Variants in ZNF254 observed in about 807,000 individuals in gnomAD.
The protein encoded by ZNF254 is CTD-2017D11.1.
In ZNF254, 10 loss-of-function variants were observed where a neutral mutation model predicts 12.4. The ratio of observed to expected loss-of-function variants is 0.80; its 90% CI spans 0.50 to 1.36. ZNF254 has a LOEUF of 1.36. Ranked by LOEUF, ZNF254 falls within the 40% of genes most tolerant of loss-of-function variation. ZNF254 has a pLI of 0.00. For synonymous variants in ZNF254, 305 were observed against 253.4 expected (o/e 1.20, Z -1.93); for missense variants, 996 against 763.9 (o/e 1.30, Z -3.58).
intron 2 of ZNF254, among the ~76,000 whole-genome samples, chr19:24,051,496 A>T (rs1004194839): frequency 1.3e-5 from 2 of 152,148 alleles, no homozygotes; most frequent in African/African-American, 4.8e-5. Context: ...TTCTTGGGGT[A>T]TTGTGATATA....
intron 1 of ZNF254, among the ~76,000 whole-genome samples, chr19:24,093,531 A>G (rs1972513309): frequency 6.6e-6 from 1 of 152,148 alleles, no homozygotes. Flanking sequence ...TTCCACCACC[A>G]TTTATTACAT....
chr19:24,057,092 G>T (rs1478868621), intron 2 of ZNF254, among the ~76,000 whole-genome samples: 2 of 152,124 alleles, frequency 1.3e-5, no homozygotes, highest in Non-Finnish European at 2.9e-5. Context: ...TTTTAGGAAG[G>T]TCAGAGAAAA....
chr19:24,065,169 C>A (rs1454092064), intron 2 of ZNF254, among the ~76,000 whole-genome samples: 1 of 152,042 alleles, frequency 6.6e-6, no homozygotes, highest in Non-Finnish European at 1.5e-5. Context: ...GGAGATGAAA[C>A]CCTCTACTTC....
chr19:24,084,979 C>T (rs1487237163), upstream of ZNF254, among the ~76,000 whole-genome samples: 1 of 143,964 alleles, frequency 6.9e-6, no homozygotes, highest in African/African-American at 2.6e-5. Context: ...GTCACCCAGG[C>T]TGGAGTGCAG....
intron 2 of ZNF254, among the ~76,000 whole-genome samples, chr19:24,055,384 T>G (rs1970812492): frequency 6.6e-6 from 1 of 151,722 alleles, no homozygotes; most frequent in Admixed American, 6.6e-5. Flanking sequence ...GTTCAAGTGA[T>G]TCTCCTGCCT....
At chr19:24,091,314 A>AG (rs1459592198) in intron 1 of ZNF254, among the ~76,000 whole-genome samples, 1 of 127,404 alleles carries the variant, frequency 7.8e-6, no homozygotes, top group Non-Finnish European at 1.7e-5. Context: ...AAAAAAATAA[A>AG]GAAAAAAAAA....
chr19:24,115,889 TG>T (rs1434368276), intron 3 of ZNF254, among the ~76,000 whole-genome samples: 1 of 152,164 alleles, frequency 6.6e-6, no homozygotes, highest in East Asian at 1.9e-4. Flanking sequence ...AGGGCAGGCC[TG>T]GTGGTGACAA....
chr19:24,050,200 C>G (rs1970593050), intron 2 of ZNF254, among the ~76,000 whole-genome samples: 1 of 151,958 alleles, frequency 6.6e-6, no homozygotes, highest in South Asian at 2.1e-4. Flanking sequence ...CACTCTGTCA[C>G]CTAGGATGGA....
intron 1 of ZNF254, among the ~76,000 whole-genome samples, chr19:24,088,687 C>T (rs1328807959): frequency 6.6e-6 from 1 of 151,942 alleles, no homozygotes; most frequent in Non-Finnish European, 1.5e-5. Context: ...CTTGCTCGGT[C>T]ACCCCGGATG....
In ZNF254 at chr19:24,105,925, G is replaced by A. The variant is rs772608123; in HGVS notation, c.31-15G>A. On this transcript the variant is annotated splice_polypyrimidine_tract_variant and intron_variant, in intron 1 of 3. Coordinates refer to ENST00000357002, the MANE Select transcript of ZNF254 (RefSeq NM_203282.4). ...AGCCACTTTGTAAATATGTGTGTTTGTGTGTGTTTTCCAGGGACTGTTGAC... is the reference window on the plus strand; with the variant it reads ...AGCCACTTTGTAAATATGTGTGTTTATGTGTGTTTTCCAGGGACTGTTGAC... 10 of 1,583,342 alleles carry A rather than the reference G, an allele frequency of 6.3e-6. No homozygotes were observed. The highest frequency in any genetic ancestry group is 8.6e-6 in the Non-Finnish European group (10 of 1,161,258).
chr19:24,055,271 C>A (rs1284651284), intron 2 of ZNF254, among the ~76,000 whole-genome samples: 3 of 135,118 alleles, frequency 2.2e-5, no homozygotes, highest in Non-Finnish European at 4.7e-5. Context: ...AGGAGATTTT[C>A]TCTTTTTCTT....
intron 1 of ZNF254, among the ~76,000 whole-genome samples, chr19:24,091,285 A>G (rs1972363847): frequency 6.6e-6 from 1 of 150,674 alleles, no homozygotes; most frequent in African/African-American, 2.4e-5. Context: ...TCTAGCTTTT[A>G]GAATGGTAGC....
chr19:24,067,538 C>T lies in ZNF254; in HGVS notation c.-94+21259C>T, dbSNP rs73019449. 2.5e-3 allele frequency among the ~76,000 whole-genome samples: 377 copies of T among 152,026 alleles called. 2 individuals are homozygous for T. Among genetic ancestry groups the T allele is most frequent in the Admixed American group, 4.9e-3 (75 of 15,266 alleles). ...GCCATATAGCTGGGCCCAGCTCCTA[C>T]GTTATCTGACTCCTGTTTTCTTCCT... On this transcript the variant is annotated intron_variant, in intron 2 of 4. Transcript: ENST00000613065.
chr19:24,116,916 A>T (rs949682031), intron 3 of ZNF254, among the ~76,000 whole-genome samples: 1 of 152,160 alleles, frequency 6.6e-6, no homozygotes, highest in Non-Finnish European at 1.5e-5. Context: ...TCTAACAGAC[A>T]GGACCCTCAG....
rs1157685474 is a variant in ZNF254 at position 24,126,295 on chromosome 19, G to A, written c.295G>A (p.Gly99Ser). ...TGCTCAAGACCTTTGGCCAGAGCAGGGCATGGAAGATTCTTTTCAAAAAGC... is the reference window on the plus strand; with the variant it reads ...TGCTCAAGACCTTTGGCCAGAGCAGAGCATGGAAGATTCTTTTCAAAAAGC... ...HFAQDLWPEQGMEDSFQKAIL... is the reference protein window; with the variant it reads ...HFAQDLWPEQSMEDSFQKAIL... Residue 99 changes from glycine to serine, a missense_variant, in exon 4 of 4, where the codon GGC becomes AGC. By Grantham distance (56) the Gly-to-Ser change is moderately conservative. Transcript: ENST00000357002. The A allele has an allele frequency of 1.0e-5, 16 of 1,575,904 alleles. No homozygotes were observed. Among genetic ancestry groups the A allele is most frequent in the Non-Finnish European group, 1.4e-5 (16 of 1,164,054 alleles).
At chr19:24,038,331 G>T (rs1970039986) in intron 1 of ZNF254, among the ~76,000 whole-genome samples, 1 of 152,110 alleles carries the variant, frequency 6.6e-6, no homozygotes, top group Non-Finnish European at 1.5e-5. Context: ...AACCAAAGAA[G>T]ACCTCCAATT....
chr19:24,099,679 C>A (rs894137249), intron 1 of ZNF254, among the ~76,000 whole-genome samples: 16 of 152,132 alleles, frequency 1.1e-4, no homozygotes, highest in Admixed American at 3.3e-4. Flanking sequence ...GGATGGCCTC[C>A]CCAATGACCA....
At chr19:24,115,827 C>T (rs974833131) in intron 3 of ZNF254, among the ~76,000 whole-genome samples, 1 of 152,140 alleles carries the variant, frequency 6.6e-6, no homozygotes, top group Non-Finnish European at 1.5e-5. Context: ...TTTGCAGTGG[C>T]TGGTACCGGT....
intron 1 of ZNF254, among the ~76,000 whole-genome samples, chr19:24,036,011 G>A (rs961945775): frequency 2.0e-5 from 3 of 152,056 alleles, no homozygotes; most frequent in Admixed American, 1.3e-4. Context: ...CCTGACTTGT[G>A]TGTTTTATAA....
Sources: allele counts gnomAD v4.1 joint callset (sites outside exome capture counted in the v4.1 genomes callset), GRCh38; gene constraint gnomAD v4.1.1; transcripts MANE v1.5; gene names NCBI Gene and HGNC (gene_info 2026-07-23, HGNC 2026-07-21).